KMT2A: variants seen among roughly 807,000 people sequenced by gnomAD.
KMT2A encodes lysine methyltransferase 2A.
In KMT2A, 16 loss-of-function variants were observed where a neutral mutation model predicts 345.3. The observed-to-expected ratio is 0.05, with a 90% CI of 0.03 to 0.07. The LOEUF is 0.07. KMT2A is among the 10% of genes least tolerant of loss of function. The pLI is 1.00. For synonymous variants in KMT2A, 1,599 were observed against 1,778.6 expected (o/e 0.90, Z 2.54); for missense variants, 3,272 against 4,841.6 (o/e 0.68, Z 9.62).
At chr11:118,511,143 C>T (rs1272422838) in intron 30 of KMT2A, among the ~76,000 whole-genome samples, 2 of 152,118 alleles carry the variant, frequency 1.3e-5, no homozygotes, top group Non-Finnish European at 2.9e-5. Flanking sequence ...GTGATAAGCT[C>T]TCTATATGAG....
chr11:118,444,775 A>G (rs1432589496), intron 1 of KMT2A, among the ~76,000 whole-genome samples: 3 of 152,174 alleles, frequency 2.0e-5, no homozygotes, highest in Non-Finnish European at 4.4e-5. Flanking sequence ...GAGTCTCACC[A>G]TGTTGCCCAG....
rs7941217 is a variant in KMT2A, at chr11:118,478,532, C to T, written c.3569+331C>T. Among the ~76,000 whole-genome samples the T allele has an allele frequency of 0.11, 16,690 of 152,170 alleles. 1,517 individuals carry two copies. Among genetic ancestry groups the T allele is most frequent in the African/African-American group, 0.25 (10,176 of 41,466 alleles). On this transcript the variant is annotated intron_variant, in intron 5 of 35. Transcript: ENST00000534358. ...TGATTAGTGTGACTGAGGAACCACA[C>T]TGTTTATTTCGTTTAACTTTAGCCA...
intron 10 of KMT2A, among the ~76,000 whole-genome samples, chr11:118,486,096 A>T (rs1377320055): frequency 6.6e-6 from 1 of 152,174 alleles, no homozygotes; most frequent in African/African-American, 2.4e-5. Context: ...AAAAAATAAA[A>T]GTGTAGGGCA....
chr11:118,446,859 A>G (rs1949432561), intron 1 of KMT2A, among the ~76,000 whole-genome samples: 1 of 152,178 alleles, frequency 6.6e-6, no homozygotes, highest in Non-Finnish European at 1.5e-5. Flanking sequence ...TCAGCGCTGC[A>G]TGATCTTGCT....
rs144067538 is a variant in KMT2A at position 118,481,675 on chromosome 11, C to T, written c.3635-40C>T. The T allele has an allele frequency of 3.2e-5, 50 of 1,545,468 alleles. No homozygotes were observed. In the African/African-American group the frequency reaches 5.7e-4, roughly 18 times the overall value. ...TAATTCTATTTTAAATAAAATTATT[C>T]TCACTATAGACAGATGATGTTGTTG... On this transcript the variant is annotated intron_variant, in intron 6 of 35. Coordinates refer to ENST00000534358, the MANE Select transcript of KMT2A (RefSeq NM_001197104.2).
rs781819920 is a variant in KMT2A, at chr11:118,521,512, T to C, written c.11643+95T>C. The stretch of plus-strand genomic sequence containing the variant: ...ATCACAAAAGAAATAGTGTATGTTA[T>C]CAATTCAGAGACCTTTCTTAAAAAA... On this transcript the variant is annotated intron_variant, in intron 35 of 35. Transcript: ENST00000534358. The surrounding 1 kb of genome is among the most constrained non-coding windows in gnomAD (Gnocchi z 5.3). 2.0e-5 allele frequency: 29 copies of C among 1,418,004 alleles called. No individual in the cohort carries two copies. The highest frequency in any genetic ancestry group is 2.6e-5 in the Non-Finnish European group (27 of 1,039,026). The allele number at this position is 1,418,004 out of a possible 1,614,324, so 87.8% of individuals were successfully genotyped here. A position where few individuals can be genotyped will look rare whatever the true frequency, so the allele number is the denominator to read the frequency against.
At chr11:118,468,453 T>A (rs1949886069) in intron 1 of KMT2A, among the ~76,000 whole-genome samples, 1 of 152,256 alleles carries the variant, frequency 6.6e-6, no homozygotes, top group Non-Finnish European at 1.5e-5. Flanking sequence ...TTTGCTTACC[T>A]GATTTAAAGT....
rs1555054801 is a variant in KMT2A, at chr11:118,524,477, T to A, written c.*2305T>A. 5.3e-6 allele frequency: 1 copy of A among 187,076 alleles called. No individual in the cohort carries two copies. Among genetic ancestry groups the A allele is most frequent in the Non-Finnish European group, 1.1e-5 (1 of 88,218 alleles). 11.6% of individuals were successfully genotyped at this position (187,076 alleles called of 1,614,324 possible). ...GCTGGAACATTGTCACTGTTTTCAC[T>A]GTCATGCAGGGAGCCCAGCACTGTG... On this transcript the variant is annotated 3_prime_UTR_variant, in exon 36 of 36. Transcript: ENST00000534358.
rs781788826 is a variant in KMT2A at position 118,522,487 on chromosome 11, T to C, written c.*315T>C. Reference sequence around the variant, plus strand: ...GGAGCCTATTATAGAGGGTTGGTTATGTTGGGAGATTGGGCCTGAATTTCT... The same window carrying C: ...GGAGCCTATTATAGAGGGTTGGTTACGTTGGGAGATTGGGCCTGAATTTCT... On this transcript the variant is annotated 3_prime_UTR_variant, in exon 36 of 36. Transcript: ENST00000534358. This position sits in a 1 kb window ranked among gnomAD's most constrained non-coding sequence, Gnocchi z 5.4. The C allele has an allele frequency of 1.1e-4, 35 of 317,714 alleles. No homozygotes were observed. Among genetic ancestry groups the C allele is most frequent in the Non-Finnish European group, 1.6e-4 (27 of 169,460 alleles). The allele number at this position is 317,714 out of a possible 1,614,324, so 19.7% of individuals were successfully genotyped here.
At position 118,504,748 on chromosome 11, in the gene KMT2A, A is replaced by C. The variant is rs1555047375; in HGVS notation, c.8856A>C (p.Leu2952=). The change falls in exon 27 of 36, where the codon CTA becomes CTC. Residue 2952 remains leucine, a synonymous_variant. Transcript: ENST00000534358. This position sits in a 1 kb window ranked among gnomAD's most constrained non-coding sequence, Gnocchi z 6.4. The part of the protein sequence containing the change: ...PTVPSQNPSR[L]AVISDSGEKR... ...TCCCCAGCCAGAATCCCAGTAGACTAGCTGTTATCTCAGACTCAGGGGAGA... is the reference window on the plus strand; with the variant it reads ...TCCCCAGCCAGAATCCCAGTAGACTCGCTGTTATCTCAGACTCAGGGGAGA... 3.7e-6 allele frequency: 6 copies of C among 1,614,072 alleles called. No individual in the cohort carries two copies. In the Admixed American group the frequency reaches 1.0e-4, roughly 27 times the overall value.
chr11:118,511,762 T>C, intron 30 of KMT2A, 189 bp from the exon 31 acceptor site: 1 of 624,464 alleles, frequency 1.6e-6, no homozygotes, highest in Non-Finnish European at 2.8e-6. Flanking sequence ...TGCTGGGGAG[T>C]GTACCTTTTC....
chr11:118,496,284 A>C lies in KMT2A; in HGVS notation c.5581A>C (p.Ser1861Arg), dbSNP rs1164484770. 6.2e-7 allele frequency: 1 copy of C among 1,613,694 alleles called. No homozygotes were observed. The highest frequency in any genetic ancestry group is 1.3e-5 in the African/African-American group (1 of 74,904). Residue 1861 changes from serine (S) to arginine (R), a missense_variant, in exon 20 of 36, where the codon AGT (serine) becomes CGT (arginine). Ser to Arg is a moderately radical substitution (Grantham distance 110). This residue lies in a region of KMT2A where 235 missense variants were observed against 503.4 expected (regional missense o/e 0.47). Coordinates refer to ENST00000534358, the MANE Select transcript of KMT2A (RefSeq NM_001197104.2). The surrounding 1 kb of genome is among the most constrained non-coding windows in gnomAD (Gnocchi z 4.7). ...AGGTACTGATAGGAGTCGAGAAGAC[A>C]GTCCAGAGCTGAACCCACCCCCAGG... is the stretch of plus-strand genomic sequence containing the variant. ...ILSTDRSRED[S>R]PELNPPPGIE...
intron 1 of KMT2A, among the ~76,000 whole-genome samples, chr11:118,444,900 CCT>C (rs1168470860): frequency 3.9e-5 from 6 of 152,134 alleles, no homozygotes; most frequent in Non-Finnish European, 7.4e-5. Context: ...CCTCTCCATA[CCT>C]CTGTTTCTTC....
chr11:118,471,170 C>T (rs1555035374), intron 2 of KMT2A, among the ~76,000 whole-genome samples: 1 of 152,090 alleles, frequency 6.6e-6, no homozygotes, highest in Admixed American at 6.5e-5. Context: ...CTGAGCTGCC[C>T]AAGGAGTTGG....
In KMT2A at chr11:118,494,529, CCT is replaced by C. The variant is rs782357799; in HGVS notation, c.5289+132_5289+133del. The stretch of plus-strand genomic sequence containing the variant: ...AAACATCTTTGGTTTAATTTGATCC[CCT>C]GATTCTTTGAGAGGAACTTGGTGAG... On this transcript the variant is annotated intron_variant, in intron 17 of 35. Coordinates refer to ENST00000534358, the MANE Select transcript of KMT2A (RefSeq NM_001197104.2). This position sits in a 1 kb window ranked among gnomAD's most constrained non-coding sequence, Gnocchi z 5.8. 163 of 820,810 alleles carry C rather than the reference CCT, an allele frequency of 2.0e-4. No homozygotes were observed. Among genetic ancestry groups the C allele is most frequent in the Non-Finnish European group, 3.1e-4 (157 of 509,906 alleles). 50.8% of individuals were successfully genotyped at this position (820,810 alleles called of 1,614,324 possible). A position where few individuals can be genotyped will look rare whatever the true frequency, so the allele number is the denominator to read the frequency against.
Position 118,525,561 on chromosome 11 carries a change from C to T in KMT2A, c.*3389C>T, listed in dbSNP as rs1180068215. 8 of 220,106 alleles carry T rather than the reference C, an allele frequency of 3.6e-5. No homozygotes were observed. Among genetic ancestry groups the T allele is most frequent in the African/African-American group, 1.8e-4 (8 of 43,888 alleles). The allele number at this position is 220,106 out of a possible 1,614,324, so 13.6% of individuals were successfully genotyped here. On this transcript the variant is annotated 3_prime_UTR_variant, in exon 36 of 36. Coordinates refer to ENST00000534358, the MANE Select transcript of KMT2A (RefSeq NM_001197104.2). The stretch of plus-strand genomic sequence containing the variant: ...TGCTCGCCTCCGTCAAACCCCCGGC[C>T]AATGCAGTGAGCACCATGTAGCTCC...
At chr11:118,507,469 A>G in intron 27 of KMT2A, 60 bp from the exon 28 acceptor site, 1 of 1,444,242 alleles carries the variant, frequency 6.9e-7, no homozygotes, top group Non-Finnish European at 9.7e-7. Context: ...ACTCACCTCC[A>G]CATTCAGTAC....
intron 31 of KMT2A, among the ~76,000 whole-genome samples, chr11:118,513,851 C>T (rs560329727): frequency 2.7e-5 from 4 of 147,236 alleles, no homozygotes; most frequent in East Asian, 4.1e-4. Context: ...GTGGGAGGAG[C>T]GCATTGAGCC....
Position 118,499,172 on chromosome 11 carries a change from G to C in KMT2A, c.5962-131G>C. 4.5e-6 allele frequency: 3 copies of C among 664,062 alleles called. No homozygotes were observed. The South Asian group carries it at 5.8e-5, about 13-fold the overall frequency. The allele number at this position is 664,062 out of a possible 1,614,324, so 41.1% of individuals were successfully genotyped here. A position where few individuals can be genotyped will look rare whatever the true frequency, so the allele number is the denominator to read the frequency against. ...ACCACCTCTTTTGGGAAATACAGAAGTGTCCTGCTAAGTGAAACAGAAGGA... is the reference window on the plus strand; with the variant it reads ...ACCACCTCTTTTGGGAAATACAGAACTGTCCTGCTAAGTGAAACAGAAGGA... On this transcript the variant is annotated intron_variant, in intron 22 of 35. Transcript: ENST00000534358.
Sources: gnomAD v4.1 joint callset for allele counts (sites outside exome capture counted in the v4.1 genomes callset) on GRCh38, gnomAD v4.1.1 for gene constraint, gnomAD v4.1.1 regional missense constraint, Gnocchi (gnomAD v3.1) non-coding constraint, MANE v1.5 for transcripts, NCBI Gene and HGNC (gene_info 2026-07-23, HGNC 2026-07-21) for gene names.